The following KIAA0586 variants were observed in gnomAD, a reference collection of about 807,000 sequenced individuals.
KIAA0586 encodes the protein protein TALPID3.
Under a neutral mutation model 169.8 loss-of-function variants are expected in KIAA0586, and 144 were observed. The ratio of observed to expected loss-of-function variants is 0.85; its 90% CI spans 0.74 to 0.97. The LOEUF (loss-of-function observed/expected upper bound fraction) is 0.97. Among genes scored for constraint, KIAA0586 ranks in the 50% least tolerant of loss-of-function variants. The probability of loss-of-function intolerance (pLI) is 0.00; values close to 1 mark genes in which losing one functional copy is unlikely to be tolerated. For missense variants in KIAA0586, 1,854 were observed against 1,823.0 expected (o/e 1.02, Z -0.31); for synonymous variants, 625 against 612.4 (o/e 1.02, Z -0.30).
intron 19 of KIAA0586, among the ~76,000 whole-genome samples, chr14:58,475,265 A>C (rs1049508994): frequency 6.6e-5 from 10 of 152,170 alleles, no homozygotes; most frequent in African/African-American, 2.4e-4. Flanking sequence ...ATTTCATAGA[A>C]GCACAAACCC....
At chr14:58,552,332 G>GTGTCTGTA (rs527583634), downstream of KIAA0586, among the ~76,000 whole-genome samples, 18 of 152,250 alleles carry the variant, frequency 1.2e-4, 1 homozygote, top group East Asian at 2.7e-3. Flanking sequence ...TCATCAGCCT[G>GTGTCTGTA]TGTCTGTATT....
chr14:58,488,832 G>A lies in KIAA0586; in HGVS notation c.3739G>A (p.Gly1247Arg), dbSNP rs1595348112. ...TETLDKPISE[G>R]EILFSCGQKL... The stretch of plus-strand genomic sequence containing the variant: ...AACTTTAGATAAACCCATCTCTGAA[G>A]GAGAGATTTTATTTAGCTGTGGTCA... The change falls in exon 24 of 31, where the codon GGA (glycine) becomes AGA (arginine). Residue 1247 changes from glycine (G) to arginine (R), a missense_variant. Coordinates refer to ENST00000652326, the MANE Select transcript of KIAA0586 (RefSeq NM_001329943.3). The A allele has an allele frequency of 1.2e-6, 2 of 1,613,846 alleles. No homozygotes were observed. Among genetic ancestry groups the A allele is most frequent in the Non-Finnish European group, 1.7e-6 (2 of 1,179,804 alleles).
At position 58,542,392 on chromosome 14, in the gene KIAA0586, G is replaced by A. The variant is rs537102778; in HGVS notation, c.4495+2256G>A. Among the ~76,000 whole-genome samples the A allele has an allele frequency of 3.3e-5, 5 of 151,936 alleles. No individual in the cohort carries two copies. In the East Asian group the frequency reaches 7.8e-4, roughly 24 times the overall value. ...CTCAGGAGGCTGAGGCAGGAGAATC[G>A]CTTGATCCCGGGAGGTGGAGGTTGC... On this transcript the variant is annotated intron_variant, in intron 30 of 30. Transcript: ENST00000652326.
chr14:58,478,906 G>A (rs1034627557), intron 20 of KIAA0586, among the ~76,000 whole-genome samples: 1 of 152,146 alleles, frequency 6.6e-6, no homozygotes, highest in Non-Finnish European at 1.5e-5. Context: ...ATTGCATGTA[G>A]TAATAGTATA....
chr14:58,448,414 A>C lies in KIAA0586; in HGVS notation c.882A>C (p.Glu294Asp). 1.9e-6 allele frequency: 3 copies of C among 1,611,296 alleles called. No individual in the cohort carries two copies. The highest frequency in any genetic ancestry group is 2.5e-6 in the Non-Finnish European group (3 of 1,177,576). ...GTATGCCCTCCTCCAGAGCAGTGGA[A>C]AAGTATTCCGTAAAACCAGAACACC... ...PVSMPSSRAV[E>D]KYSVKPEHPN... is the part of the protein sequence containing the mutation. The change falls in exon 7 of 31, where the codon GAA becomes GAC. Residue 294 changes from glutamate to aspartate, a missense_variant. By Grantham distance (45) the Glu-to-Asp change is conservative (BLOSUM62 2). Transcript: ENST00000652326.
intron 9 of KIAA0586, 72 bp from the exon 10 acceptor site, chr14:58,456,630 T>C (rs2039874899): frequency 1.3e-6 from 1 of 768,260 alleles, no homozygotes; most frequent in South Asian, 1.6e-5. Flanking sequence ...ATGAAATGTT[T>C]ACTGAATTTA....
At chr14:58,525,513 A>G (rs187490239) in intron 29 of KIAA0586, among the ~76,000 whole-genome samples, 1 of 152,210 alleles carries the variant, frequency 6.6e-6, no homozygotes, top group Admixed American at 6.5e-5. Flanking sequence ...GCCGTGAGAA[A>G]CGGTGCATTC....
Position 58,428,458 on chromosome 14 carries a change from C to T in KIAA0586, c.194C>T (p.Ser65Leu). 1.2e-6 allele frequency: 2 copies of T among 1,607,674 alleles called. No homozygotes were observed. The highest frequency in any genetic ancestry group is 8.5e-7 in the Non-Finnish European group (1 of 1,174,184). Residue 65 changes from serine to leucine, a missense_variant, in exon 1 of 31, where the codon TCA becomes TTA. Coordinates refer to ENST00000652326, the MANE Select transcript of KIAA0586 (RefSeq NM_001329943.3). ...ACGGGGACTAGTTTGAATGGAACATCACGTGGTATGTGATTCCATGTAGTT... is the reference window on the plus strand; with the variant it reads ...ACGGGGACTAGTTTGAATGGAACATTACGTGGTATGTGATTCCATGTAGTT... ...VGTGTSLNGT[S>L]RGSSDLTSAR...
In KIAA0586 at chr14:58,447,540, G is replaced by T. The variant is rs963329325; in HGVS notation, c.808-800G>T. On this transcript the variant is annotated intron_variant, in intron 6 of 30. Transcript: ENST00000652326. ...CTGTCACCCAGGCTGGAGTGTAGTG[G>T]CACCATTTCGGCTCACTGCCACCTC... Among the ~76,000 whole-genome samples the T allele has an allele frequency of 7.3e-5, 11 of 151,210 alleles. No homozygotes were observed. In the South Asian group the frequency reaches 8.4e-4, roughly 11 times the overall value.
chr14:58,477,422 G>A (rs1213274733), intron 20 of KIAA0586, among the ~76,000 whole-genome samples, 181 bp downstream of exon 20: 1 of 151,942 alleles, frequency 6.6e-6, no homozygotes, highest in South Asian at 2.1e-4. Flanking sequence ...ATTTCATATT[G>A]CAGCTTTCAG....
In KIAA0586 at chr14:58,460,102, T is replaced by G. The variant is rs182070262; in HGVS notation, c.1884+32T>G. On this transcript the variant is annotated intron_variant, in intron 13 of 30. Coordinates refer to ENST00000652326, the MANE Select transcript of KIAA0586 (RefSeq NM_001329943.3). The stretch of plus-strand genomic sequence containing the variant: ...TCCTAATCTGTTCTTTTAACATAAT[T>G]GTTGTGTTATAATTGATCATTTCCT... 14 of 1,229,630 alleles carry G rather than the reference T, an allele frequency of 1.1e-5. No homozygotes were observed. The Admixed American group carries it at 1.4e-4, about 13-fold the overall frequency. The allele number at this position is 1,229,630 out of a possible 1,614,324, so 76.2% of individuals were successfully genotyped here.
chr14:58,504,437 T>C (rs1466686213), intron 27 of KIAA0586, among the ~76,000 whole-genome samples: 1 of 152,108 alleles, frequency 6.6e-6, no homozygotes, highest in Non-Finnish European at 1.5e-5. Flanking sequence ...GGAAAGAGAT[T>C]GAATGGGGTT....
In KIAA0586 at chr14:58,451,600, T is replaced by G. The variant is rs533838737; in HGVS notation, c.1129+854T>G. ...CTGATCATTTTTAGAGCATGCTTCC[T>G]CATATTGTTTTTAGGTGTGAATTTC... On this transcript the variant is annotated intron_variant, in intron 8 of 30. Transcript: ENST00000652326. Among the ~76,000 whole-genome samples, 14 of 152,306 alleles carry G rather than the reference T, an allele frequency of 9.2e-5. No homozygotes were observed. In the East Asian group the frequency reaches 2.5e-3, roughly 27 times the overall value.
intron 14 of KIAA0586, among the ~76,000 whole-genome samples, chr14:58,464,695 C>G (rs1757014145): frequency 6.6e-6 from 1 of 151,916 alleles, no homozygotes; most frequent in Admixed American, 6.6e-5. Context: ...GGGATGTGTC[C>G]CAATACCCTC....
At chr14:58,456,199 A>G (rs960273571) in intron 9 of KIAA0586, among the ~76,000 whole-genome samples, 16 of 152,162 alleles carry the variant, frequency 1.1e-4, no homozygotes, top group Admixed American at 5.2e-4. Flanking sequence ...AGAGTTGGGA[A>G]TAGGGTCCCG....
chr14:58,475,209 A>G (rs1206983653), intron 19 of KIAA0586, among the ~76,000 whole-genome samples: 4 of 152,208 alleles, frequency 2.6e-5, no homozygotes, highest in Admixed American at 6.5e-5. Flanking sequence ...GTGAGTGAGC[A>G]TTACTGCCTG....
chr14:58,440,275 T>C, intron 4 of KIAA0586: 2 of 409,778 alleles, frequency 4.9e-6, no homozygotes, highest in Non-Finnish European at 9.7e-6. Context: ...GCTCTGCTTT[T>C]CTCTTTTCTT....
At position 58,456,758 on chromosome 14, in the gene KIAA0586, A is replaced by T. The variant is rs1348871847; in HGVS notation, c.1310A>T (p.Asp437Val). The T allele has an allele frequency of 1.2e-6, 2 of 1,605,762 alleles. No homozygotes were observed. The highest frequency in any genetic ancestry group is 2.2e-5 in the South Asian group (2 of 88,984). The change falls in exon 10 of 31, where the codon GAT becomes GTT. Residue 437 changes from aspartate to valine, a missense_variant. Asp to Val is a radical substitution (Grantham distance 152, BLOSUM62 -3). Coordinates refer to ENST00000652326, the MANE Select transcript of KIAA0586 (RefSeq NM_001329943.3). ...TTKVTMQKSDDVLHDLGQKEK... is the reference protein window; with the variant it reads ...TTKVTMQKSDVVLHDLGQKEK... ...AAAGTGACTATGCAGAAGTCTGATG[A>T]TGTTCTTCATGACCTTGGCCAAAAA... is the stretch of plus-strand genomic sequence containing the variant.
intron 27 of KIAA0586, among the ~76,000 whole-genome samples, chr14:58,507,593 GAC>G (rs1184254753): frequency 6.6e-6 from 1 of 151,650 alleles, no homozygotes; most frequent in Non-Finnish European, 1.5e-5. Context: ...GTCAGTGAGA[GAC>G]AGTTACAATG....
Sources: gnomAD v4.1 joint callset for allele counts (sites outside exome capture counted in the v4.1 genomes callset) on GRCh38, gnomAD v4.1.1 for gene constraint, MANE v1.5 for transcripts, NCBI Gene and HGNC (gene_info 2026-07-23, HGNC 2026-07-21) for gene names.